The following TBC1D17 variants were observed in gnomAD, a reference collection of about 807,000 sequenced individuals.
TBC1D17 encodes the protein TBC1 domain family, member 17.
A neutral mutation model predicts 78.8 loss-of-function variants in TBC1D17; 69 were observed. The observed-to-expected ratio is 0.88, with a 90% CI of 0.72 to 1.07. The LOEUF (loss-of-function observed/expected upper bound fraction) is 1.07. Among genes scored for constraint, TBC1D17 ranks in the 50% least tolerant of loss-of-function variants. The pLI is 0.00. For missense variants in TBC1D17, 957 were observed against 861.0 expected (o/e 1.11, Z -1.39); for synonymous variants, 456 against 358.3 (o/e 1.27, Z -3.08).
chr19:49,881,552 G>A lies in TBC1D17; in HGVS notation c.527+77G>A. 2.2e-6 allele frequency: 3 copies of A among 1,392,150 alleles called. 1 individual carries two copies. Among genetic ancestry groups the A allele is most frequent in the South Asian group, 2.5e-5 (2 of 80,150 alleles). The allele number at this position is 1,392,150 out of a possible 1,614,324, so 86.2% of individuals were successfully genotyped here. On this transcript the variant is annotated intron_variant, in intron 5 of 16. Coordinates refer to ENST00000221543, the MANE Select transcript of TBC1D17 (RefSeq NM_024682.3). The stretch of plus-strand genomic sequence containing the variant: ...CTGCAGCGTGACCCCTCGGGGCTGT[G>A]AAAGAAACACAACTCACACTGATTT...
chr19:49,888,392 C>A (rs983164538), intron 16 of TBC1D17, 32 bp from the exon 17 acceptor site: 2 of 1,576,448 alleles, frequency 1.3e-6, no homozygotes, highest in East Asian at 4.6e-5. Flanking sequence ...CTTCACCTTC[C>A]GCTTTTCGCT....
chr19:49,881,299 G>T lies in TBC1D17; in HGVS notation c.351G>T (p.Trp117Cys). ...AGCCCAGCTGCCCCCAGGGCTCCTG[G>T]GCCTTCTCAGTGAGTCTGGGGGAGC... is the stretch of plus-strand genomic sequence containing the variant. ...GAEPSCPQGS[W>C]AFSVSLGELK... The change falls in exon 5 of 17, where the codon TGG becomes TGT. Residue 117 changes from tryptophan to cysteine, a missense_variant. Physicochemically the swap from Trp to Cys is radical, Grantham distance 215. Coordinates refer to ENST00000221543, the MANE Select transcript of TBC1D17 (RefSeq NM_024682.3). The T allele has an allele frequency of 6.2e-7, 1 of 1,613,152 alleles. No homozygotes were observed. The highest frequency in any genetic ancestry group is 8.5e-7 in the Non-Finnish European group (1 of 1,179,970).
rs761583749 is a variant in TBC1D17, at chr19:49,878,617, GGTCCGTGCTGTTGTAA to G, written c.195+49_195+64del. The G allele has an allele frequency of 5.7e-5, 90 of 1,583,078 alleles. 1 individual carries two copies. Among genetic ancestry groups the G allele is most frequent in the Non-Finnish European group, 7.8e-5 (90 of 1,152,158 alleles). On this transcript the variant is annotated intron_variant, in intron 3 of 16. Transcript: ENST00000221543. ...CCCTTCTCCACTCGCTTTTTTTCTA[GGTCCGTGCTGTTGTAA>G]GTCATTTGAGGGACCTGCGTACAAT...
chr19:49,884,719 C>T lies in TBC1D17; in HGVS notation c.1405C>T (p.Leu469Phe), dbSNP rs774938209. 3.7e-6 allele frequency: 6 copies of T among 1,614,094 alleles called. No homozygotes were observed. The South Asian group carries it at 6.6e-5, about 18-fold the overall frequency. The part of the protein sequence containing the change: ...MKRQLGRLLL[L>F]LRVLDPLLCD... ...GCGGCAACTCGGGCGACTGCTGCTG[C>T]TCCTGAGGGTGCTGGACCCCCTGCT... Residue 469 changes from leucine (L) to phenylalanine (F), a missense_variant, in exon 13 of 17, where the codon CTC (leucine) becomes TTC (phenylalanine). Transcript: ENST00000221543.
chr19:49,877,918 T>C (rs1239644613), intron 1 of TBC1D17, 174 bp downstream of exon 1: 10 of 827,034 alleles, frequency 1.2e-5, no homozygotes, highest in South Asian at 3.6e-5. Flanking sequence ...GAACCTCCCA[T>C]GGCCCCGCCC....
rs773064585 is a variant in TBC1D17, at chr19:49,882,215, G to A, written c.640-27G>A. On this transcript the variant is annotated intron_variant, in intron 6 of 16. Coordinates refer to ENST00000221543, the MANE Select transcript of TBC1D17 (RefSeq NM_024682.3). ...AGGGAGGGACGAGAAGGGGCGGGCC[G>A]TGACCTCCCTTTGGCCTCGTCCCCA... is the stretch of plus-strand genomic sequence containing the variant. 5.3e-5 allele frequency: 86 copies of A among 1,612,406 alleles called. 1 individual carries two copies. Among genetic ancestry groups the A allele is most frequent in the Middle Eastern group, 4.9e-4 (3 of 6,082 alleles).
rs577595996 is a variant in TBC1D17, at chr19:49,888,665, G to C, written c.*41G>C. Reference sequence around the variant, plus strand: ...TCGTTCTGCACAGGCACTTTAGCCCGAGCCAGGCACACCTGCGAGGGGGCA... The same window carrying C: ...TCGTTCTGCACAGGCACTTTAGCCCCAGCCAGGCACACCTGCGAGGGGGCA... On this transcript the variant is annotated 3_prime_UTR_variant, in exon 17 of 17. Transcript: ENST00000221543. The C allele has an allele frequency of 1.2e-5, 18 of 1,496,288 alleles. No homozygotes were observed. In the East Asian group the frequency reaches 4.5e-4, roughly 37 times the overall value. 92.7% of individuals were successfully genotyped at this position (1,496,288 alleles called of 1,614,324 possible). A position where few individuals can be genotyped will look rare whatever the true frequency, so the allele number is the denominator to read the frequency against.
chr19:49,880,279 G>T lies in TBC1D17; in HGVS notation c.196G>T (p.Asp66Tyr), dbSNP rs2075001681. Residue 66 changes from aspartate to tyrosine, a missense_variant and splice_region_variant, in exon 4 of 17, where the codon GAC becomes TAC. Physicochemically the swap from Asp to Tyr is radical, Grantham distance 160 (BLOSUM62 -3). Coordinates refer to ENST00000221543, the MANE Select transcript of TBC1D17 (RefSeq NM_024682.3). ...DSTQILFSKK[D>Y]SSGGDSCASE... ...CTGTCTGCTCCTTTCCTCTCCTAAGGACTCCAGTGGGGGTGACTCATGTGC... is the reference window on the plus strand; with the variant it reads ...CTGTCTGCTCCTTTCCTCTCCTAAGTACTCCAGTGGGGGTGACTCATGTGC... 1.2e-6 allele frequency: 2 copies of T among 1,613,838 alleles called. No individual in the cohort carries two copies. Among genetic ancestry groups the T allele is most frequent in the Non-Finnish European group, 1.7e-6 (2 of 1,179,942 alleles).
intron 1 of TBC1D17, 194 bp downstream of exon 1, chr19:49,877,938 AG>A: frequency 1.4e-6 from 1 of 690,182 alleles, no homozygotes; most frequent in Non-Finnish European, 2.3e-6. Flanking sequence ...CCCCCGGCTC[AG>A]GCGACTCCTT....
At chr19:49,888,343 C>G in intron 16 of TBC1D17, 26 bp downstream of exon 16, 5 of 1,544,150 alleles carry the variant, frequency 3.2e-6, no homozygotes, top group Non-Finnish European at 4.4e-6. Flanking sequence ...CCCCGCAGCG[C>G]CCCGCCCGAA....
chr19:49,878,223 C>T lies in TBC1D17; in HGVS notation c.102C>T (p.Val34=). 1.9e-6 allele frequency: 3 copies of T among 1,559,584 alleles called. No homozygotes were observed. Among genetic ancestry groups the T allele is most frequent in the Middle Eastern group, 1.7e-4 (1 of 6,004 alleles). Reference sequence around the variant, plus strand: ...ACCGAGACTCTCTCATCGCTGGTGTCATCCGTGTCGTGGAAAAGGTGCGCT... The same window carrying T: ...ACCGAGACTCTCTCATCGCTGGTGTTATCCGTGTCGTGGAAAAGGTGCGCT... ...YQDRDSLIAG[V]IRVVEKDNDV... Residue 34 remains valine, a synonymous_variant, in exon 2 of 17, where the codon GTC becomes GTT. Coordinates refer to ENST00000221543, the MANE Select transcript of TBC1D17 (RefSeq NM_024682.3).
chr19:49,885,338 AGGAGGCT>A (rs977080373), intron 13 of TBC1D17: 4 of 155,162 alleles, frequency 2.6e-5, no homozygotes, highest in African/African-American at 9.7e-5. Context: ...CCAGCTACTC[AGGAGGCT>A]GAGGCAGGAG....
intron 7 of TBC1D17, 123 bp downstream of exon 7, chr19:49,882,523 G>A (rs930178321): frequency 3.5e-6 from 5 of 1,427,922 alleles, no homozygotes; most frequent in Admixed American, 2.4e-5. Context: ...CACCCTCAGG[G>A]GGTGCATGAG....
Position 49,881,435 on chromosome 19 carries a change from G to A in TBC1D17, c.487G>A (p.Ala163Thr), listed in dbSNP as rs527461980. 27 of 1,611,366 alleles carry A rather than the reference G, an allele frequency of 1.7e-5. No homozygotes were observed. The South Asian group carries it at 2.3e-4, about 14-fold the overall frequency. ...GCACTTCCACCGCGGGGGCACCCGC[G>A]CCCTGCTCCGCGTCCTCAGCCGCTA... ...ALHFHRGGTRALLRVLSRYLL... is the reference protein window; with the variant it reads ...ALHFHRGGTRTLLRVLSRYLL... The change falls in exon 5 of 17, where the codon GCC becomes ACC. Residue 163 changes from alanine (A) to threonine (T), a missense_variant. By Grantham distance (58) the Ala-to-Thr change is moderately conservative (BLOSUM62 0). Coordinates refer to ENST00000221543, the MANE Select transcript of TBC1D17 (RefSeq NM_024682.3).
In TBC1D17 at chr19:49,877,957, G is replaced by A. The variant is rs1436321240; in HGVS notation, c.22-186G>A. 126 of 714,574 alleles carry A rather than the reference G, an allele frequency of 1.8e-4. No individual in the cohort carries two copies. The South Asian group carries it at 2.3e-3, about 13-fold the overall frequency. 44.3% of individuals were successfully genotyped at this position (714,574 alleles called of 1,614,324 possible). On this transcript the variant is annotated intron_variant, in intron 1 of 16. Coordinates refer to ENST00000221543, the MANE Select transcript of TBC1D17 (RefSeq NM_024682.3). Reference sequence around the variant, plus strand: ...CGGCTCAGGCGACTCCTTGAGCCCTGCCCCCTGTGGAACGCACGTCAGCAT... The same window carrying A: ...CGGCTCAGGCGACTCCTTGAGCCCTACCCCCTGTGGAACGCACGTCAGCAT...
intron 11 of TBC1D17, 35 bp from the exon 12 acceptor site, chr19:49,884,424 G>A (rs761260906): frequency 1.2e-5 from 20 of 1,613,440 alleles, no homozygotes; most frequent in South Asian, 2.2e-5. Flanking sequence ...GGAGCGCTGC[G>A]GGCTTGGCTG....
chr19:49,878,949 C>T (rs2074985636), intron 3 of TBC1D17: 1 of 235,376 alleles, frequency 4.2e-6, no homozygotes, highest in South Asian at 6.0e-5. Flanking sequence ...CTGCTCCCGG[C>T]TTTCCCTTCG....
intron 13 of TBC1D17, 96 bp from the exon 14 acceptor site, chr19:49,887,380 G>C: frequency 7.7e-7 from 1 of 1,304,926 alleles, no homozygotes; most frequent in Non-Finnish European, 1.1e-6. Context: ...TAAGTCACTT[G>C]CCTAGACTTG....
Position 49,887,842 on chromosome 19 carries a change from TC to T in TBC1D17, c.1659+10del. 6.2e-7 allele frequency: 1 copy of T among 1,600,656 alleles called. No homozygotes were observed. The highest frequency in any genetic ancestry group is 8.5e-7 in the Non-Finnish European group (1 of 1,174,002). ...TCCAATGAGATCCTCAAGGTGAGGC[TC>T]CGGCCCCGCCCCCGCCCTGTCCCCC... On this transcript the variant is annotated intron_variant, in intron 15 of 16. Coordinates refer to ENST00000221543, the MANE Select transcript of TBC1D17 (RefSeq NM_024682.3).
Sources: gnomAD v4.1 joint callset for allele counts on GRCh38, gnomAD v4.1.1 for gene constraint, MANE v1.5 for transcripts, NCBI Gene and HGNC (gene_info 2026-07-23, HGNC 2026-07-21) for gene names.